ZNF713: variants seen among roughly 807,000 people sequenced by gnomAD.
ZNF713 encodes the protein zinc finger protein 713.
ZNF713 carries 21 observed loss-of-function variants against 28.7 expected under a neutral mutation model. The observed-to-expected ratio is 0.73, with a 90% CI of 0.52 to 1.05. ZNF713 has a LOEUF of 1.05. Among genes scored for constraint, ZNF713 ranks in the 50% least tolerant of loss-of-function variants. The probability of loss-of-function intolerance (pLI) is 0.00; values close to 1 mark genes in which losing one functional copy is unlikely to be tolerated. For missense variants in ZNF713, 458 were observed against 532.4 expected (o/e 0.86, Z 1.37); for synonymous variants, 167 against 178.0 (o/e 0.94, Z 0.49).
At chr7:55,919,045 C>A (rs185387599) in intron 4 of ZNF713, among the ~76,000 whole-genome samples, 1 of 151,316 alleles carries the variant, frequency 6.6e-6, no homozygotes. Flanking sequence ...ATGAACTCAA[C>A]GATCTACTAA....
Position 55,939,159 on chromosome 7 carries a change from G to C in ZNF713, c.485G>C (p.Arg162Thr). ...HPEFNQENHK[R>T]YLGQVTLTHK... is the part of the protein sequence containing the mutation. ...GAGTTTAACCAAGAAAACCACAAGAGATATTTAGGACAAGTAACTTTGACC... is the reference window on the plus strand; with the variant it reads ...GAGTTTAACCAAGAAAACCACAAGACATATTTAGGACAAGTAACTTTGACC... The change falls in exon 7 of 7, where the codon AGA (arginine) becomes ACA (threonine). Residue 162 changes from arginine (R) to threonine (T), a missense_variant. Coordinates refer to ENST00000429591, the MANE Select transcript of ZNF713 (RefSeq NM_182633.3). 6.2e-7 allele frequency: 1 copy of C among 1,614,060 alleles called. No homozygotes were observed. Among genetic ancestry groups the C allele is most frequent in the Non-Finnish European group, 8.5e-7 (1 of 1,179,998 alleles).
At chr7:55,902,089 G>T (rs1350399034) in intron 1 of ZNF713, among the ~76,000 whole-genome samples, 1 of 152,142 alleles carries the variant, frequency 6.6e-6, no homozygotes, top group Non-Finnish European at 1.5e-5. Context: ...TGCTCAGGAG[G>T]CTGAGGCAGG....
At chr7:55,889,408 T>G (rs1463322421) in intron 1 of ZNF713, among the ~76,000 whole-genome samples, 1 of 152,166 alleles carries the variant, frequency 6.6e-6, no homozygotes, top group Non-Finnish European at 1.5e-5. Flanking sequence ...GCCTGATCTA[T>G]TTCTTTTAAC....
rs1382084877 is a variant in ZNF713, at chr7:55,911,760, C to T, written c.-311C>T. On this transcript the variant is annotated 5_prime_UTR_variant, in exon 3 of 7. Transcript: ENST00000429591. ...ACCTTCAAGAGCCCCTTCATCTCAA[C>T]TCGGCATAAACAAGGCAAGATTCTG... The T allele has an allele frequency of 2.6e-5, 4 of 152,160 alleles. No homozygotes were observed. The highest frequency in any genetic ancestry group is 4.4e-5 in the Non-Finnish European group (3 of 68,024). The allele number at this position is 152,160 out of a possible 1,614,324, so 9.4% of individuals were successfully genotyped here.
At chr7:55,904,463 T>TA (rs71015118) in intron 1 of ZNF713, among the ~76,000 whole-genome samples, 633 of 41,240 alleles carry the variant, frequency 0.015, 22 homozygotes, top group Admixed American at 0.068. Flanking sequence ...ACTGTATCTT[T>TA]AAAAAAAAAA....
intron 4 of ZNF713, among the ~76,000 whole-genome samples, chr7:55,919,224 A>G (rs950874193): frequency 2.0e-5 from 3 of 152,206 alleles, no homozygotes; most frequent in Non-Finnish European, 2.9e-5. Context: ...CCAAGCAGCA[A>G]ATGATAACCA....
chr7:55,922,614 C>T (rs1452399374), intron 4 of ZNF713, among the ~76,000 whole-genome samples: 1 of 151,980 alleles, frequency 6.6e-6, no homozygotes, highest in Non-Finnish European at 1.5e-5. Context: ...CAGCAGCCAT[C>T]AGCATCAAGG....
In ZNF713 at chr7:55,912,738, C is replaced by T; in HGVS notation, c.87+15C>T. On this transcript the variant is annotated intron_variant, in intron 4 of 6. Coordinates refer to ENST00000429591, the MANE Select transcript of ZNF713 (RefSeq NM_182633.3). ...TGAGATCTCAGGTAAGTTCAGTTTT[C>T]CTCTCCTCTGAAATGCCAGTGTTCT... 6.2e-7 allele frequency: 1 copy of T among 1,604,840 alleles called. No homozygotes were observed. Among genetic ancestry groups the T allele is most frequent in the Non-Finnish European group, 8.5e-7 (1 of 1,172,610 alleles).
intron 1 of ZNF713, among the ~76,000 whole-genome samples, chr7:55,893,194 T>C (rs999633072): frequency 6.6e-6 from 1 of 152,130 alleles, no homozygotes; most frequent in Non-Finnish European, 1.5e-5. Context: ...AATTTGATCA[T>C]AGTTTTATGT....
At chr7:55,919,492 T>TG (rs1562743507) in intron 4 of ZNF713, among the ~76,000 whole-genome samples, 7 of 14,734 alleles carry the variant, frequency 4.8e-4, no homozygotes, top group African/African-American at 3.4e-3. Context: ...ACACTCCAGT[T>TG]TTTTTTTTTT....
At chr7:55,896,703 G>C (rs1350270938) in intron 1 of ZNF713, among the ~76,000 whole-genome samples, 2 of 151,532 alleles carry the variant, frequency 1.3e-5, no homozygotes, top group Non-Finnish European at 2.9e-5. Flanking sequence ...AGTTATGTCT[G>C]CTAAGAGGGC....
intron 6 of ZNF713, among the ~76,000 whole-genome samples, chr7:55,937,109 A>G (rs943755767): frequency 2.6e-5 from 4 of 151,828 alleles, no homozygotes; most frequent in African/African-American, 9.7e-5. Context: ...GACCAGCCTG[A>G]CCAACATGGC....
Position 55,939,315 on chromosome 7 carries a change from A to G in ZNF713, c.641A>G (p.Asn214Ser), listed in dbSNP as rs1252152452. The G allele has an allele frequency of 6.2e-7, 1 of 1,614,042 alleles. No homozygotes were observed. The highest frequency in any genetic ancestry group is 8.5e-7 in the Non-Finnish European group (1 of 1,180,016). Residue 214 changes from asparagine to serine, a missense_variant, in exon 7 of 7, where the codon AAC (asparagine) becomes AGC (serine). Physicochemically the swap from Asn to Ser is conservative, Grantham distance 46. Coordinates refer to ENST00000429591, the MANE Select transcript of ZNF713 (RefSeq NM_182633.3). ...CCCCTGAATTCTGACACACAGGGAA[A>G]CAGCATCAAACATAATTCAGACTTG... ...KIPLNSDTQG[N>S]SIKHNSDLIY...
At chr7:55,917,273 AAC>A in intron 4 of ZNF713, among the ~76,000 whole-genome samples, 3 of 111,062 alleles carry the variant, frequency 2.7e-5, no homozygotes, top group Admixed American at 8.5e-5. Context: ...AAAAAAAAAC[AAC>A]AAACTATAAG....
At position 55,942,004 on chromosome 7, in the gene ZNF713, A is replaced by T. The variant is rs1038197926; in HGVS notation, c.*1998A>T. ...TTAAATTTCCCTGTGGCAAGTCTAG[A>T]TTTTTTTTCAGTTAAAATTATTTCT... On this transcript the variant is annotated 3_prime_UTR_variant, in exon 7 of 7. Coordinates refer to ENST00000429591, the MANE Select transcript of ZNF713 (RefSeq NM_182633.3). 22 of 152,068 alleles carry T rather than the reference A, an allele frequency of 1.4e-4. No homozygotes were observed. Among genetic ancestry groups the T allele is most frequent in the African/African-American group, 5.1e-4 (21 of 41,488 alleles). The allele number at this position is 152,068 out of a possible 1,614,324, so 9.4% of individuals were successfully genotyped here.
chr7:55,929,320 A>C (rs544021773), intron 6 of ZNF713, among the ~76,000 whole-genome samples: 6 of 152,320 alleles, frequency 3.9e-5, no homozygotes, highest in Non-Finnish European at 7.4e-5. Context: ...AGTCAGACCA[A>C]CTGAACAGAA....
At chr7:55,932,188 A>G (rs1584318276) in intron 6 of ZNF713, among the ~76,000 whole-genome samples, 1 of 151,962 alleles carries the variant, frequency 6.6e-6, no homozygotes. Flanking sequence ...TTGTACATCT[A>G]TTGATCTATT....
intron 2 of ZNF713, among the ~76,000 whole-genome samples, chr7:55,906,884 G>C (rs1418643278): frequency 6.6e-6 from 1 of 152,206 alleles, no homozygotes; most frequent in East Asian, 1.9e-4. Flanking sequence ...AGGGGGAAAA[G>C]CTGGTTTTAG....
intron 6 of ZNF713, among the ~76,000 whole-genome samples, chr7:55,932,887 T>C (rs1786266285): frequency 6.0e-5 from 1 of 16,628 alleles, no homozygotes; most frequent in Non-Finnish European, 9.2e-5. Context: ...CGAGACTCCG[T>C]CTCAAAAAAA....
Sources: gnomAD v4.1 joint callset for allele counts (sites outside exome capture counted in the v4.1 genomes callset) on GRCh38, gnomAD v4.1.1 for gene constraint, MANE v1.5 for transcripts, NCBI Gene and HGNC (gene_info 2026-07-23, HGNC 2026-07-21) for gene names.